The following BUB1B variants were observed in gnomAD, a reference collection of about 807,000 sequenced individuals.
BUB1B encodes BUB1 mitotic checkpoint serine/threonine kinase B, also known as mitotic checkpoint serine/threonine-protein kinase BUB1 beta.
A neutral mutation model predicts 137.7 loss-of-function variants in BUB1B; 86 were observed. The observed-to-expected ratio is 0.62, with a 90% CI of 0.52 to 0.75. The LOEUF is 0.75. Among genes scored for constraint, BUB1B ranks in the 30% least tolerant of loss-of-function variants. BUB1B has a pLI of 0.00. For missense variants in BUB1B, 1,130 were observed against 1,236.9 expected (o/e 0.91, Z 1.30); for synonymous variants, 420 against 417.9 (o/e 1.00, Z -0.06).
At position 40,212,449 on chromosome 15, in the gene BUB1B, C is replaced by A. The variant is rs776175791; in HGVS notation, c.2386-50C>A. On this transcript the variant is annotated intron_variant, in intron 18 of 22. Transcript: ENST00000287598. Reference sequence around the variant, plus strand: ...AAGGAATGTGTTTCAACCTGCCAGCCATAACCATAGACTTAACTGAACTTA... The same window carrying A: ...AAGGAATGTGTTTCAACCTGCCAGCAATAACCATAGACTTAACTGAACTTA... The A allele has an allele frequency of 2.7e-6, 4 of 1,466,236 alleles. No homozygotes were observed. The Admixed American group carries it at 6.7e-5, about 25-fold the overall frequency. The allele number at this position is 1,466,236 out of a possible 1,614,324, so 90.8% of individuals were successfully genotyped here.
chr15:40,196,920 C>G (rs532652395), intron 9 of BUB1B, 146 bp downstream of exon 9: 76 of 741,530 alleles, frequency 1.0e-4, no homozygotes, highest in Admixed American at 4.1e-4. Context: ...TGTGTATCAG[C>G]CAAAATCCCA....
In BUB1B at chr15:40,170,600, A is replaced by G. The variant is rs2140881797; in HGVS notation, c.303A>G (p.Leu101=). The G allele has an allele frequency of 6.2e-7, 1 of 1,613,104 alleles. No homozygotes were observed. The highest frequency in any genetic ancestry group is 8.5e-7 in the Non-Finnish European group (1 of 1,179,068). ...GGAAGGAGAGTAATATGTCAACGTT[A>G]TTAGAAAGAGCTGTAGAAGCACTAC... ...QGGKESNMST[L]LERAVEALQG... is the part of the protein sequence containing the mutation. Residue 101 remains leucine, a synonymous_variant, in exon 4 of 23, where the codon TTA becomes TTG. Transcript: ENST00000287598.
At chr15:40,166,341 T>C (rs1212717109) in intron 2 of BUB1B, 19 of 407,986 alleles carry the variant, frequency 4.7e-5, no homozygotes, top group Admixed American at 8.3e-5. Flanking sequence ...CTCTCTCTCT[T>C]TTTTTTTTTT....
chr15:40,202,358 G>A (rs200619807), intron 12 of BUB1B, 47 bp from the exon 13 acceptor site: 20 of 1,469,094 alleles, frequency 1.4e-5, no homozygotes, highest in African/African-American at 2.8e-5. Context: ...GTCTTGAAGA[G>A]TAAAGCATTT....
chr15:40,163,104 A>G (rs2037058642), intron 1 of BUB1B, among the ~76,000 whole-genome samples: 1 of 152,202 alleles, frequency 6.6e-6, no homozygotes, highest in Non-Finnish European at 1.5e-5. Flanking sequence ...TGGCGTGTCT[A>G]AATGATCCCA....
chr15:40,173,808 A>C (rs931416761), intron 4 of BUB1B: 2 of 317,984 alleles, frequency 6.3e-6, no homozygotes, highest in Non-Finnish European at 1.2e-5. Context: ...TACATATTAA[A>C]CTATTGCTTT....
intron 18 of BUB1B, among the ~76,000 whole-genome samples, chr15:40,212,282 C>T (rs1489756079): frequency 6.6e-6 from 1 of 152,232 alleles, no homozygotes; most frequent in Non-Finnish European, 1.5e-5. Flanking sequence ...CTGCCAAAAT[C>T]AGTTTTTATT....
At chr15:40,208,165 A>C (rs2037660910) in intron 15 of BUB1B, among the ~76,000 whole-genome samples, 1 of 151,922 alleles carries the variant, frequency 6.6e-6, no homozygotes, top group Non-Finnish European at 1.5e-5. Context: ...CTATCAAATA[A>C]ATTGATAACA....
At chr15:40,165,311 T>A in intron 2 of BUB1B, 115 bp downstream of exon 2, 1 of 1,373,300 alleles carries the variant, frequency 7.3e-7, no homozygotes, top group South Asian at 1.2e-5. Flanking sequence ...ATTGGTAGTA[T>A]GAGAATCTGT....
chr15:40,163,787 TTTTG>T (rs1477213622), intron 1 of BUB1B, among the ~76,000 whole-genome samples: 3 of 152,258 alleles, frequency 2.0e-5, no homozygotes, highest in Non-Finnish European at 4.4e-5. Context: ...GGAACTTAAC[TTTTG>T]TTTATGTCGA....
chr15:40,214,807 C>A (rs1390517377), intron 20 of BUB1B, among the ~76,000 whole-genome samples: 1 of 152,058 alleles, frequency 6.6e-6, no homozygotes, highest in African/African-American at 2.4e-5. Flanking sequence ...GTGTTCCAAG[C>A]AATGCAGGAT....
At chr15:40,201,044 G>T (rs1386658208) in intron 12 of BUB1B, 64 bp downstream of exon 12, 1 of 1,465,972 alleles carries the variant, frequency 6.8e-7, no homozygotes, top group Non-Finnish European at 9.5e-7. Context: ...GTAATAAATG[G>T]TAAATATTTT....
intron 20 of BUB1B, among the ~76,000 whole-genome samples, chr15:40,215,498 A>G (rs2037765681): frequency 6.6e-6 from 1 of 151,860 alleles, no homozygotes; most frequent in Non-Finnish European, 1.5e-5. Context: ...GGCCGGGCGC[A>G]GTAGCTCACG....
chr15:40,180,248 TTTC>T (rs1398640786), intron 5 of BUB1B, among the ~76,000 whole-genome samples: 181 of 105,684 alleles, frequency 1.7e-3, no homozygotes, highest in Non-Finnish European at 2.7e-3. Context: ...CAACGTTTCG[TTTC>T]TTTTTTTTTT....
intron 15 of BUB1B, among the ~76,000 whole-genome samples, chr15:40,207,331 C>T (rs1474948961): frequency 2.0e-5 from 3 of 152,154 alleles, no homozygotes; most frequent in Non-Finnish European, 4.4e-5. Context: ...AGGCCAGATG[C>T]AGTGGCTCAC....
In BUB1B at chr15:40,202,573, G is replaced by T; in HGVS notation, c.1629-16G>T. 1 of 1,611,364 alleles carries T rather than the reference G, an allele frequency of 6.2e-7. No homozygotes were observed. Among genetic ancestry groups the T allele is most frequent in the Non-Finnish European group, 8.5e-7 (1 of 1,177,612 alleles). ...GTTATGAAAAAAATTGCTAAGTGAG[G>T]TATGTCTTTTTCCAGTCCTCCTGCA... is the stretch of plus-strand genomic sequence containing the variant. On this transcript the variant is annotated splice_polypyrimidine_tract_variant and intron_variant, in intron 13 of 22. Transcript: ENST00000287598.
In BUB1B at chr15:40,213,333, A is replaced by T. The variant is rs1334935219; in HGVS notation, c.2537A>T (p.Asp846Val). 9 of 1,613,636 alleles carry T rather than the reference A, an allele frequency of 5.6e-6. No individual in the cohort carries two copies. The highest frequency in any genetic ancestry group is 7.6e-6 in the Non-Finnish European group (9 of 1,179,886). Reference protein sequence around the residue: ...HQYINCFTLQDLLQHSEYITH... With the variant: ...HQYINCFTLQVLLQHSEYITH... Reference sequence around the variant, plus strand: ...AGTTTTCTGTCCTTCAATTTCCAGGATCTTCTCCAACACAGTGAATATATT... The same window carrying T: ...AGTTTTCTGTCCTTCAATTTCCAGGTTCTTCTCCAACACAGTGAATATATT... The change falls in exon 20 of 23, where the codon GAT becomes GTT. Residue 846 changes from aspartate (D) to valine (V), a missense_variant and splice_region_variant. Transcript: ENST00000287598.
At position 40,220,906 on chromosome 15, in the gene BUB1B, C is replaced by T. The variant is rs1020325731; in HGVS notation, c.*147C>T. The T allele has an allele frequency of 2.8e-5, 24 of 851,338 alleles. No individual in the cohort carries two copies. The highest frequency in any genetic ancestry group is 1.5e-4 in the South Asian group (10 of 68,712). 52.7% of individuals were successfully genotyped at this position (851,338 alleles called of 1,614,324 possible). A position where few individuals can be genotyped will look rare whatever the true frequency, so the allele number is the denominator to read the frequency against. On this transcript the variant is annotated 3_prime_UTR_variant, in exon 23 of 23. Coordinates refer to ENST00000287598, the MANE Select transcript of BUB1B (RefSeq NM_001211.6). ...ACTTTTTGGTACAGGTATATTTTGA[C>T]GTCACTGATATTTTTTATACAGTGA...
At chr15:40,180,256 T>TTC (rs1433589650) in intron 5 of BUB1B, among the ~76,000 whole-genome samples, 1 of 141,978 alleles carries the variant, frequency 7.0e-6, no homozygotes, top group Non-Finnish European at 1.5e-5. Context: ...CGTTTCTTTT[T>TTC]TTTTTTTTTT....
Sources: allele counts gnomAD v4.1 joint callset (sites outside exome capture counted in the v4.1 genomes callset), GRCh38; gene constraint gnomAD v4.1.1; transcripts MANE v1.5; gene names NCBI Gene and HGNC (gene_info 2026-07-23, HGNC 2026-07-21).